Variants in RARB observed in about 807,000 individuals in gnomAD.
The protein encoded by RARB is HBV-activated protein.
A neutral mutation model predicts 51.9 loss-of-function variants in RARB; 17 were observed. That is an observed-to-expected ratio of 0.33 (90% CI 0.22 to 0.49). The LOEUF (loss-of-function observed/expected upper bound fraction) is 0.49, where lower values mean the gene tolerates loss of function less well. Among genes scored for constraint, RARB ranks in the 20% least tolerant of loss-of-function variants. The pLI is 0.99. For missense variants in RARB, 369 were observed against 550.8 expected (o/e 0.67, Z 3.30); for synonymous variants, 215 against 195.4 (o/e 1.10, Z -0.84).
intron 4 of RARB, among the ~76,000 whole-genome samples, chr3:25,172,055 G>T (rs1700656005): frequency 6.6e-6 from 1 of 152,174 alleles, no homozygotes; most frequent in Admixed American, 6.5e-5. Flanking sequence ...TTAGTGTGTT[G>T]TATAAGCCAA....
At chr3:25,263,591 C>T (rs1230928094) in intron 5 of RARB, among the ~76,000 whole-genome samples, 3 of 152,166 alleles carry the variant, frequency 2.0e-5, no homozygotes, top group African/African-American at 7.2e-5. Context: ...AGCCAGCCAA[C>T]CTCTAACACA....
chr3:25,355,380 G>A (rs997447102), intron 5 of RARB, among the ~76,000 whole-genome samples: 1 of 152,034 alleles, frequency 6.6e-6, no homozygotes, highest in Non-Finnish European at 1.5e-5. Flanking sequence ...CACTCTCCAA[G>A]GACTTTAAGA....
intron 3 of RARB, among the ~76,000 whole-genome samples, chr3:25,533,296 G>GA (rs1040016291): frequency 1.3e-5 from 2 of 152,122 alleles, no homozygotes; most frequent in Non-Finnish European, 2.9e-5. Flanking sequence ...TGCTAGCCCT[G>GA]AAAAAATATG....
At chr3:25,271,793 CA>C (rs1398355675) in intron 5 of RARB, among the ~76,000 whole-genome samples, 1 of 152,136 alleles carries the variant, frequency 6.6e-6, no homozygotes, top group Admixed American at 6.5e-5. Context: ...CCTTTATTGT[CA>C]AAAACCATTT....
chr3:25,465,357 A>G (rs1575429417), intron 2 of RARB, among the ~76,000 whole-genome samples: 1 of 152,208 alleles, frequency 6.6e-6, no homozygotes, highest in East Asian at 1.9e-4. Context: ...GTTGACCGGT[A>G]GAAACTGGCC....
chr3:25,283,955 C>T (rs1703586146), intron 5 of RARB, among the ~76,000 whole-genome samples: 1 of 152,166 alleles, frequency 6.6e-6, no homozygotes, highest in Non-Finnish European at 1.5e-5. Flanking sequence ...TGACTTTCTC[C>T]TAACAAATAG....
chr3:25,182,665 G>C (rs921770907), intron 5 of RARB, among the ~76,000 whole-genome samples: 2 of 152,146 alleles, frequency 1.3e-5, no homozygotes, highest in African/African-American at 4.8e-5. Flanking sequence ...TCACTTGTGT[G>C]TGGTGTCAGG....
chr3:25,106,329 G>A (rs531498370), intron 3 of RARB, among the ~76,000 whole-genome samples: 2 of 149,450 alleles, frequency 1.3e-5, no homozygotes, highest in Non-Finnish European at 3.0e-5. Flanking sequence ...AGGCTGGAGT[G>A]CAGTGGTGCA....
At chr3:25,183,165 T>C (rs1320039663) in intron 5 of RARB, among the ~76,000 whole-genome samples, 4 of 152,192 alleles carry the variant, frequency 2.6e-5, no homozygotes, top group Admixed American at 6.5e-5. Flanking sequence ...CCTCTAAAAA[T>C]ATCCATTAAT....
chr3:25,020,932 G>T (rs944089171), intron 2 of RARB, among the ~76,000 whole-genome samples: 2 of 152,154 alleles, frequency 1.3e-5, no homozygotes, highest in Non-Finnish European at 2.9e-5. Flanking sequence ...TCGTGCCACT[G>T]CACTCCAGCC....
At chr3:24,950,436 C>A (rs951126965) in intron 2 of RARB, among the ~76,000 whole-genome samples, 1 of 152,146 alleles carries the variant, frequency 6.6e-6, no homozygotes, top group East Asian at 1.9e-4. Context: ...TTACATGAGA[C>A]CTGATTTTCA....
chr3:25,036,388 C>T (rs144405152), intron 2 of RARB, among the ~76,000 whole-genome samples: 3 of 152,084 alleles, frequency 2.0e-5, no homozygotes, highest in Non-Finnish European at 2.9e-5. Context: ...TCCATTCTAC[C>T]GTAAAAATGT....
At chr3:25,284,967 G>A (rs888242048) in intron 5 of RARB, among the ~76,000 whole-genome samples, 1 of 152,186 alleles carries the variant, frequency 6.6e-6, no homozygotes, top group Non-Finnish European at 1.5e-5. Context: ...CCTTATAGCA[G>A]CTCTGTGAGA....
chr3:25,282,346 C>T (rs1703544074), intron 5 of RARB, among the ~76,000 whole-genome samples: 1 of 152,210 alleles, frequency 6.6e-6, no homozygotes, highest in Non-Finnish European at 1.5e-5. Context: ...ATGGCTTACT[C>T]TTGAATGTTT....
At chr3:24,901,158 T>C (rs1440960831) in intron 2 of RARB, among the ~76,000 whole-genome samples, 1 of 152,158 alleles carries the variant, frequency 6.6e-6, no homozygotes, top group Non-Finnish European at 1.5e-5. Context: ...AAGAACAGTG[T>C]CTAAACATTT....
At chr3:24,932,124 A>G (rs1434306452) in intron 2 of RARB, among the ~76,000 whole-genome samples, 1 of 152,098 alleles carries the variant, frequency 6.6e-6, no homozygotes, top group Non-Finnish European at 1.5e-5. Flanking sequence ...TACCTAGTCC[A>G]AGTACCACAT....
intron 5 of RARB, among the ~76,000 whole-genome samples, chr3:25,208,488 A>G (rs1575221227): frequency 1.3e-5 from 2 of 152,100 alleles, no homozygotes; most frequent in East Asian, 3.9e-4. Flanking sequence ...TAAACATTCT[A>G]TCAATAAAGC....
At chr3:25,265,386 ACATCT>A (rs1389847843) in intron 5 of RARB, among the ~76,000 whole-genome samples, 9 of 152,324 alleles carry the variant, frequency 5.9e-5, no homozygotes, top group East Asian at 1.9e-4. Flanking sequence ...GTATCAATTG[ACATCT>A]CAGCAAGTTT....
rs556739604 is a variant in RARB at position 25,590,704 on chromosome 3, A to G, written c.787-2799A>G. Among the ~76,000 whole-genome samples the G allele has an allele frequency of 1.3e-5, 2 of 152,270 alleles. 1 individual carries two copies. The highest frequency in any genetic ancestry group is 2.9e-5 in the Non-Finnish European group (2 of 68,014). ...CTGGCTAATTTTTGTACTTTTTGGT[A>G]GGGACAGATTTCACCGTGTGGGCCA... is the stretch of plus-strand genomic sequence containing the variant. On this transcript the variant is annotated intron_variant, in intron 5 of 7. Coordinates refer to ENST00000330688, the MANE Select transcript of RARB (RefSeq NM_000965.5).
Sources: allele counts gnomAD v4.1 joint callset (sites outside exome capture counted in the v4.1 genomes callset), GRCh38; gene constraint gnomAD v4.1.1; transcripts MANE v1.5; gene names NCBI Gene and HGNC (gene_info 2026-07-23, HGNC 2026-07-21).